Variants in SIPA1L1 observed in about 807,000 individuals in gnomAD.
SIPA1L1 encodes the protein signal induced proliferation associated 1 like 1.
Under a neutral mutation model 162.7 loss-of-function variants are expected in SIPA1L1, and 26 were observed. The ratio of observed to expected loss-of-function variants is 0.16; its 90% CI spans 0.12 to 0.22. The LOEUF (loss-of-function observed/expected upper bound fraction) is 0.22, where lower values mean the gene tolerates loss of function less well. Among genes scored for constraint, SIPA1L1 ranks in the 10% least tolerant of loss-of-function variants. The pLI is 1.00. For missense variants in SIPA1L1, 1,874 were observed against 2,241.0 expected, an observed-to-expected ratio of 0.84 and a Z score of 3.31; for synonymous variants, 829 against 837.4, an observed-to-expected ratio of 0.99 and a Z score of 0.17.
At chr14:71,506,472 C>G (rs1045545852) in intron 2 of SIPA1L1, among the ~76,000 whole-genome samples, 4 of 152,046 alleles carry the variant, frequency 2.6e-5, no homozygotes, top group Non-Finnish European at 5.9e-5. Context: ...TCCCAAGTAG[C>G]TGGGATTACA....
At chr14:71,682,771 T>C (rs1360964208) in intron 12 of SIPA1L1, among the ~76,000 whole-genome samples, 1 of 152,204 alleles carries the variant, frequency 6.6e-6, no homozygotes, top group African/African-American at 2.4e-5. Context: ...CTGTTTGATA[T>C]TATGTTATTG....
intron 3 of SIPA1L1, among the ~76,000 whole-genome samples, chr14:71,513,531 A>C (rs1326451610): frequency 6.6e-6 from 1 of 152,088 alleles, no homozygotes; most frequent in African/African-American, 2.4e-5. Flanking sequence ...TCTGTTGCTT[A>C]GGTTTGTGTG....
chr14:71,537,826 G>C (rs1437357637), intron 4 of SIPA1L1, among the ~76,000 whole-genome samples: 2 of 152,140 alleles, frequency 1.3e-5, no homozygotes, highest in African/African-American at 4.8e-5. Context: ...GAGAAAAAGA[G>C]TTCAGGTGAG....
chr14:71,454,554 A>T lies in SIPA1L1; in HGVS notation c.-464-58189A>T, dbSNP rs117571785. Among the ~76,000 whole-genome samples, 320 of 152,306 alleles carry T rather than the reference A, an allele frequency of 2.1e-3. 1 individual carries two copies. The highest frequency in any genetic ancestry group is 7.9e-3 in the South Asian group (38 of 4,824). Reference sequence around the variant, plus strand: ...GTAATACCATAGCAGCAAAGAGGTGATTTTTTTAATTGAAGGCTTCTGCTT... The same window carrying T: ...GTAATACCATAGCAGCAAAGAGGTGTTTTTTTTAATTGAAGGCTTCTGCTT... On this transcript the variant is annotated intron_variant, in intron 2 of 23. Coordinates refer to ENST00000381232, the MANE Select transcript of SIPA1L1 (RefSeq NM_001386936.1).
chr14:71,544,183 GTA>G (rs772289589), intron 4 of SIPA1L1, among the ~76,000 whole-genome samples: 28 of 150,320 alleles, frequency 1.9e-4, no homozygotes, highest in African/African-American at 1.5e-4. Flanking sequence ...GCACGTGTGT[GTA>G]TATATACATA....
At chr14:71,580,541 T>G (rs986685048) in intron 4 of SIPA1L1, among the ~76,000 whole-genome samples, 10 of 152,214 alleles carry the variant, frequency 6.6e-5, no homozygotes, top group Non-Finnish European at 1.0e-4. Context: ...ATCATCTATG[T>G]GAAATAATTA....
At chr14:71,564,431 A>C (rs1226168935) in intron 4 of SIPA1L1, among the ~76,000 whole-genome samples, 1 of 145,554 alleles carries the variant, frequency 6.9e-6, no homozygotes, top group Admixed American at 6.9e-5. Flanking sequence ...ATTTAGAAAA[A>C]TGTGTAGTCT....
At position 71,444,010 on chromosome 14, in the gene SIPA1L1, G is replaced by A. The variant is rs1485583705; in HGVS notation, c.-464-68733G>A. ...GACCCATAGGAGATAAATAGTATGTGAAGTCCAGACAATCTTGTTTTTCTT... is the reference window on the plus strand; with the variant it reads ...GACCCATAGGAGATAAATAGTATGTAAAGTCCAGACAATCTTGTTTTTCTT... On this transcript the variant is annotated intron_variant, in intron 2 of 23. Transcript: ENST00000381232. Among the ~76,000 whole-genome samples the A allele has an allele frequency of 2.6e-5, 4 of 152,192 alleles. No individual in the cohort carries two copies. The East Asian group carries it at 7.7e-4, about 29-fold the overall frequency.
At chr14:71,639,623 C>CT (rs1359030328) in intron 7 of SIPA1L1, among the ~76,000 whole-genome samples, 1 of 152,140 alleles carries the variant, frequency 6.6e-6, no homozygotes, top group Non-Finnish European at 1.5e-5. Flanking sequence ...CTAAAACAAT[C>CT]TGAGAAAGAG....
At position 71,587,930 on chromosome 14, in the gene SIPA1L1, G is replaced by T; in HGVS notation, c.58G>T (p.Val20Phe). 6.2e-7 allele frequency: 1 copy of T among 1,613,940 alleles called. No individual in the cohort carries two copies. The highest frequency in any genetic ancestry group is 1.1e-5 in the South Asian group (1 of 91,078). Residue 20 changes from valine (V) to phenylalanine (F), a missense_variant, in exon 5 of 24, where the codon GTT (valine) becomes TTT (phenylalanine). Around this residue, in one of 5 missense-constraint regions of SIPA1L1, gnomAD observed 685 missense variants for 828.0 expected, o/e 0.83. Coordinates refer to ENST00000381232, the MANE Select transcript of SIPA1L1 (RefSeq NM_001386936.1). ...GCCTCTTGCCACTGACAGGGCCTCT[G>T]TTGTTGGCACAGACGGCACCCCCAA... ...ERPLATDRAS[V>F]VGTDGTPKVH...
chr14:71,715,294 A>G (rs1377909858), intron 17 of SIPA1L1, among the ~76,000 whole-genome samples: 1 of 152,226 alleles, frequency 6.6e-6, no homozygotes, highest in African/African-American at 2.4e-5. Context: ...CTTGTCCCTC[A>G]TCTGTAATCT....
chr14:71,683,950 G>A (rs1166093837), intron 12 of SIPA1L1, among the ~76,000 whole-genome samples: 2 of 152,168 alleles, frequency 1.3e-5, no homozygotes, highest in East Asian at 3.9e-4. Flanking sequence ...TGGTGGTGCT[G>A]TGTCCCAGTG....
chr14:71,564,083 A>T (rs1313567763), intron 4 of SIPA1L1, among the ~76,000 whole-genome samples: 1 of 152,022 alleles, frequency 6.6e-6, no homozygotes, highest in Non-Finnish European at 1.5e-5. Context: ...AGTAGTAGGG[A>T]CTACAGGCGT....
rs770004658 is a variant in SIPA1L1 at position 71,723,776 on chromosome 14, CTCT to C, written c.4339_4341del (p.Ser1447del). ...CCTTCTCCTCCTCTTCCTCCTCCTC[CTCT>C]GGTCCTAGGAGTTTTTACCCTCGCC... On this transcript the variant is annotated inframe_deletion, in exon 18 of 24. Coordinates refer to ENST00000381232, the MANE Select transcript of SIPA1L1 (RefSeq NM_001386936.1). The C allele has an allele frequency of 5.6e-6, 9 of 1,614,256 alleles. No homozygotes were observed. The Admixed American group carries it at 1.0e-4, about 18-fold the overall frequency.
intron 2 of SIPA1L1, among the ~76,000 whole-genome samples, chr14:71,351,141 G>A (rs1446869206): frequency 2.6e-5 from 4 of 152,128 alleles, no homozygotes; most frequent in African/African-American, 7.2e-5. Context: ...GGTTGTGGGG[G>A]CAGAAATGCT....
chr14:71,627,252 G>A (rs1181738456), intron 7 of SIPA1L1, among the ~76,000 whole-genome samples: 2 of 142,580 alleles, frequency 1.4e-5, no homozygotes, highest in East Asian at 2.1e-4. Context: ...TCTGCCTCCC[G>A]GGCTCAAGCA....
At chr14:71,434,204 T>G (rs1160943552) in intron 2 of SIPA1L1, among the ~76,000 whole-genome samples, 2 of 152,234 alleles carry the variant, frequency 1.3e-5, no homozygotes, top group African/African-American at 4.8e-5. Context: ...AGAGATGAGT[T>G]TGACAGCCTC....
At position 71,588,077 on chromosome 14, in the gene SIPA1L1, C is replaced by A; in HGVS notation, c.205C>A (p.Pro69Thr). The A allele has an allele frequency of 6.2e-7, 1 of 1,614,126 alleles. No homozygotes were observed. Among genetic ancestry groups the A allele is most frequent in the Non-Finnish European group, 8.5e-7 (1 of 1,179,992 alleles). Residue 69 changes from proline to threonine, a missense_variant, in exon 5 of 24, where the codon CCC (proline) becomes ACC (threonine). By Grantham distance (38) the Pro-to-Thr change is conservative. Transcript: ENST00000381232. The surrounding 1 kb of genome is among the most constrained non-coding windows in gnomAD (Gnocchi z 4.3). ...SEGSHHITST[P>T]GVPKMGVRAR... ...AGGTTCTCACCATATAACCTCAACC[C>A]CCGGAGTCCCAAAAATGGGGGTAAG...
At chr14:71,644,052 C>A (rs1301637373) in intron 7 of SIPA1L1, among the ~76,000 whole-genome samples, 2 of 152,184 alleles carry the variant, frequency 1.3e-5, no homozygotes, top group African/African-American at 4.8e-5. Flanking sequence ...GTGATTTGCA[C>A]ACCTCGGCCT....
Sources: gnomAD v4.1 joint callset for allele counts (sites outside exome capture counted in the v4.1 genomes callset) on GRCh38, gnomAD v4.1.1 for gene constraint, gnomAD v4.1.1 regional missense constraint, Gnocchi (gnomAD v3.1) non-coding constraint, MANE v1.5 for transcripts, NCBI Gene and HGNC (gene_info 2026-07-23, HGNC 2026-07-21) for gene names.